Variants in DHX35 observed in about 807,000 individuals in gnomAD.
DHX35 encodes the protein probable ATP-dependent RNA helicase DHX35.
A neutral mutation model predicts 99.6 loss-of-function variants in DHX35; 84 were observed. That is an observed-to-expected ratio of 0.84 (90% CI 0.71 to 1.01). DHX35 has a LOEUF of 1.01. Ranked by LOEUF, DHX35 falls within the 50% of genes least tolerant of loss-of-function variation. DHX35 has a pLI of 0.00. For synonymous variants in DHX35, 331 were observed against 316.2 expected (o/e 1.05, Z -0.50); for missense variants, 852 against 888.5 (o/e 0.96, Z 0.52).
At chr20:38,963,334 A>C (rs533882931) in intron 1 of DHX35, among the ~76,000 whole-genome samples, 1 of 152,392 alleles carries the variant, frequency 6.6e-6, no homozygotes, top group African/African-American at 2.4e-5. Context: ...GCAAAAATGA[A>C]ATGACACCAA....
chr20:39,001,599 A>C, intron 8 of DHX35, 131 bp from the exon 9 acceptor site: 1 of 572,808 alleles, frequency 1.7e-6, no homozygotes, highest in Non-Finnish European at 3.0e-6. Context: ...TGCAACCCAT[A>C]ATCTGTATTG....
Position 39,001,818 on chromosome 20 carries a change from C to T in DHX35, c.731C>T (p.Pro244Leu), listed in dbSNP as rs267605930. The T allele has an allele frequency of 1.6e-5, 26 of 1,612,568 alleles. No homozygotes were observed. Among genetic ancestry groups the T allele is most frequent in the South Asian group, 1.3e-4 (12 of 90,788 alleles). ...CTTACAGTGGAAGGGAGAACATTTC[C>T]GGTGGATATCTTTTATCTACAAAGG... Reference protein sequence around the residue: ...VILTVEGRTFPVDIFYLQSPV... With the variant: ...VILTVEGRTFLVDIFYLQSPV... Residue 244 changes from proline (P) to leucine (L), a missense_variant, in exon 9 of 22, where the codon CCG becomes CTG. By Grantham distance (98) the Pro-to-Leu change is moderately conservative (BLOSUM62 -3). Coordinates refer to ENST00000252011, the MANE Select transcript of DHX35 (RefSeq NM_021931.4).
rs75196247 is a variant in DHX35, at chr20:38,971,150, C to T, written c.175-1409C>T. ...GGTGGATCACTTGAGACAAGGAGTT[C>T]GAGACCAACCTGGCAAACATGGTGA... is the stretch of plus-strand genomic sequence containing the variant. On this transcript the variant is annotated intron_variant, in intron 2 of 21. Transcript: ENST00000252011. Among the ~76,000 whole-genome samples, 229 of 152,004 alleles carry T rather than the reference C, an allele frequency of 1.5e-3. 3 individuals carry two copies. Among genetic ancestry groups the T allele is most frequent in the East Asian group, 0.015 (77 of 5,164 alleles).
intron 16 of DHX35, among the ~76,000 whole-genome samples, chr20:39,022,191 C>T (rs1037509363): frequency 2.0e-5 from 3 of 152,002 alleles, no homozygotes; most frequent in African/African-American, 4.8e-5. Context: ...GAGGAAGTCT[C>T]GCTCTGTTGC....
In DHX35 at chr20:39,021,851, C is replaced by T; in HGVS notation, c.1509C>T (p.Gly503=). The T allele has an allele frequency of 6.2e-7, 1 of 1,614,120 alleles. No homozygotes were observed. The highest frequency in any genetic ancestry group is 8.5e-7 in the Non-Finnish European group (1 of 1,179,964). The change falls in exon 16 of 22, where the codon GGC becomes GGT. Residue 503 remains glycine (G), a synonymous_variant. Transcript: ENST00000252011. ...CTTTTTGTTTTACAGGAAACTTCGGCTGTTCTCAGGAAATTCTAAGCATCG... is the reference window on the plus strand; with the variant it reads ...CTTTTTGTTTTACAGGAAACTTCGGTTGTTCTCAGGAAATTCTAAGCATCG... The part of the protein sequence containing the change: ...AKMLLESGNF[G]CSQEILSIAA...
chr20:39,037,888 C>T (rs374716337), intron 21 of DHX35, among the ~76,000 whole-genome samples: 16 of 151,998 alleles, frequency 1.1e-4, no homozygotes, highest in South Asian at 2.1e-4. Context: ...TATTGTGCTT[C>T]GTGTTATTCA....
intron 1 of DHX35, chr20:38,962,803 T>C (rs1025373968): frequency 3.8e-5 from 9 of 237,866 alleles, no homozygotes; most frequent in African/African-American, 1.4e-4. Context: ...GCCCAAGTTA[T>C]GGAGTCAGAC....
chr20:39,028,989 C>T (rs1034660575), intron 19 of DHX35, among the ~76,000 whole-genome samples: 1 of 152,158 alleles, frequency 6.6e-6, no homozygotes, highest in Non-Finnish European at 1.5e-5. Context: ...TCTTCCAGTT[C>T]CATTTTCTAG....
intron 4 of DHX35, among the ~76,000 whole-genome samples, chr20:38,986,420 T>G (rs544941509): frequency 6.6e-6 from 1 of 152,312 alleles, no homozygotes; most frequent in Admixed American, 6.5e-5. Context: ...ATTCAAATAG[T>G]GAAGGAGTAA....
intron 20 of DHX35, among the ~76,000 whole-genome samples, chr20:39,032,828 C>T (rs1047469456): frequency 6.6e-6 from 1 of 152,148 alleles, no homozygotes; most frequent in East Asian, 1.9e-4. Context: ...ACCAAGGAAT[C>T]GGATTTATCC....
intron 7 of DHX35, among the ~76,000 whole-genome samples, chr20:38,994,465 A>T (rs1398739568): frequency 2.0e-5 from 3 of 151,576 alleles, no homozygotes; most frequent in Non-Finnish European, 4.4e-5. Flanking sequence ...ATACTTTTTC[A>T]TACATAGATT....
chr20:38,995,479 G>A (rs746584838), intron 8 of DHX35, among the ~76,000 whole-genome samples: 116 of 151,444 alleles, frequency 7.7e-4, no homozygotes, highest in South Asian at 1.5e-3. Context: ...AGCTGAGATC[G>A]CTCCATTGCA....
chr20:38,969,420 C>T (rs556514597), intron 2 of DHX35, among the ~76,000 whole-genome samples: 1 of 152,252 alleles, frequency 6.6e-6, no homozygotes, highest in Admixed American at 6.5e-5. Flanking sequence ...TCAGTTGCAT[C>T]GTACATACTG....
intron 1 of DHX35, among the ~76,000 whole-genome samples, chr20:38,963,590 G>A (rs917025896): frequency 6.6e-6 from 1 of 152,130 alleles, no homozygotes; most frequent in African/African-American, 2.4e-5. Flanking sequence ...ATTTATTCAC[G>A]CTTTTAGTAA....
At chr20:39,034,153 C>T in intron 20 of DHX35, 53 bp from the exon 21 acceptor site, 1 of 1,366,260 alleles carries the variant, frequency 7.3e-7, no homozygotes, top group African/African-American at 1.4e-5. Context: ...CCTGTGGTTC[C>T]TGACTGTCAT....
intron 10 of DHX35, 139 bp from the exon 11 acceptor site, chr20:39,003,610 T>C: frequency 1.1e-6 from 1 of 936,262 alleles, no homozygotes; most frequent in Non-Finnish European, 1.6e-6. Context: ...CATCCCAGAG[T>C]GGAACATGAC....
rs201023264 is a variant in DHX35, at chr20:38,970,846, GA to G, written c.174+1644del. Among the ~76,000 whole-genome samples, 252 of 134,400 alleles carry G rather than the reference GA, an allele frequency of 1.9e-3. 2 individuals carry two copies. The highest frequency in any genetic ancestry group is 6.4e-3 in the East Asian group (30 of 4,710). The allele number at this position is 134,400 out of a possible 152,430, so 88.2% of individuals were successfully genotyped here. On this transcript the variant is annotated intron_variant, in intron 2 of 21. Coordinates refer to ENST00000252011, the MANE Select transcript of DHX35 (RefSeq NM_021931.4). Reference sequence around the variant, plus strand: ...AGATAACATAAATGAAACAGCAAATGAAAAAAAAAAAAGCAACAAGAAGTTA... The same window carrying G: ...AGATAACATAAATGAAACAGCAAATGAAAAAAAAAAAGCAACAAGAAGTTA...
In DHX35 at chr20:39,001,714, AT is replaced by A; in HGVS notation, c.643-9del. ...TTTTTCTAAGAGAAATGAAGAATTAATTTTTTTCTTTTTAGAAATTCCGGGA... is the reference window on the plus strand; with the variant it reads ...TTTTTCTAAGAGAAATGAAGAATTAATTTTTTCTTTTTAGAAATTCCGGGA... On this transcript the variant is annotated splice_polypyrimidine_tract_variant and intron_variant, in intron 8 of 21. Coordinates refer to ENST00000252011, the MANE Select transcript of DHX35 (RefSeq NM_021931.4). 9 of 1,578,252 alleles carry A rather than the reference AT, an allele frequency of 5.7e-6. No individual in the cohort carries two copies. Among genetic ancestry groups the A allele is most frequent in the Non-Finnish European group, 7.8e-6 (9 of 1,155,990 alleles).
chr20:38,977,301 G>A (rs1262307546), intron 3 of DHX35, among the ~76,000 whole-genome samples: 1 of 152,064 alleles, frequency 6.6e-6, no homozygotes, highest in Non-Finnish European at 1.5e-5. Context: ...CTGGGGTGAG[G>A]TGGTATCTCA....
Sources: gnomAD v4.1 joint callset for allele counts (sites outside exome capture counted in the v4.1 genomes callset) on GRCh38, gnomAD v4.1.1 for gene constraint, MANE v1.5 for transcripts, NCBI Gene and HGNC (gene_info 2026-07-23, HGNC 2026-07-21) for gene names.